The following RNF152 variants were observed in gnomAD, a reference collection of about 807,000 sequenced individuals.
RNF152 encodes the protein E3 ubiquitin-protein ligase RNF152.
In RNF152, 11 loss-of-function variants were observed where a neutral mutation model predicts 12.7. The observed-to-expected ratio is 0.86, with a 90% CI of 0.54 to 1.43. RNF152 has a LOEUF of 1.43. RNF152 is among the 40% of genes most tolerant of loss of function. RNF152 has a pLI of 0.00. For missense variants in RNF152, 255 were observed against 274.8 expected (o/e 0.93, Z 0.51); for synonymous variants, 113 against 120.3 (o/e 0.94, Z 0.40).
chr18:61,880,565 A>G (rs1032183245), intron 1 of RNF152, among the ~76,000 whole-genome samples: 2 of 152,204 alleles, frequency 1.3e-5, no homozygotes, highest in Non-Finnish European at 2.9e-5. Context: ...CAAGCGTCTA[A>G]TAAACACTAT....
intron 1 of RNF152, among the ~76,000 whole-genome samples, chr18:61,850,369 C>T (rs1267039061): frequency 2.0e-5 from 3 of 152,232 alleles, no homozygotes; most frequent in African/African-American, 7.2e-5. Flanking sequence ...ACAGTCCTCT[C>T]ATTTTTCATA....
At chr18:61,821,622 A>G (rs1053682811) in intron 1 of RNF152, among the ~76,000 whole-genome samples, 1 of 152,228 alleles carries the variant, frequency 6.6e-6, no homozygotes, top group Non-Finnish European at 1.5e-5. Context: ...CATATCAGTG[A>G]TTACTTTAGA....
chr18:61,883,714 T>C (rs1046363472), intron 1 of RNF152, among the ~76,000 whole-genome samples: 2 of 152,160 alleles, frequency 1.3e-5, no homozygotes, highest in Admixed American at 6.5e-5. Context: ...AGAAAGAGGA[T>C]GTCCTTCATT....
intron 1 of RNF152, among the ~76,000 whole-genome samples, chr18:61,856,239 A>G (rs1324300404): frequency 6.6e-6 from 1 of 152,224 alleles, no homozygotes; most frequent in Non-Finnish European, 1.5e-5. Context: ...AGCCAATGTC[A>G]AAGACTCTTG....
At chr18:61,837,645 TG>T (rs1303302152) in intron 1 of RNF152, among the ~76,000 whole-genome samples, 1 of 152,192 alleles carries the variant, frequency 6.6e-6, no homozygotes, top group Non-Finnish European at 1.5e-5. Context: ...CTTGCTCAGT[TG>T]TTCTTTTTAT....
intron 1 of RNF152, among the ~76,000 whole-genome samples, chr18:61,885,985 C>CTTTTT (rs558169838): frequency 7.2e-4 from 59 of 81,700 alleles, no homozygotes; most frequent in Admixed American, 9.4e-4. Context: ...CTTTTGCTTT[C>CTTTTT]TTTTTTTTTT....
intron 1 of RNF152, among the ~76,000 whole-genome samples, chr18:61,891,279 G>A (rs986535160): frequency 6.6e-5 from 10 of 152,086 alleles, no homozygotes; most frequent in African/African-American, 2.4e-4. Context: ...AGCATCAATG[G>A]ACACTTTATT....
At chr18:61,870,992 C>G (rs182808294) in intron 1 of RNF152, among the ~76,000 whole-genome samples, 216 of 152,284 alleles carry the variant, frequency 1.4e-3, no homozygotes, top group African/African-American at 5.1e-3. Flanking sequence ...GATAATGGCA[C>G]CCCAAGGCCC....
intron 1 of RNF152, among the ~76,000 whole-genome samples, chr18:61,859,710 C>T (rs1381078843): frequency 2.0e-5 from 3 of 152,128 alleles, no homozygotes; most frequent in African/African-American, 4.8e-5. Flanking sequence ...GAAATCCCAT[C>T]TCTACTAAAA....
chr18:61,813,082 T>G lies in RNF152; in HGVS notation c.*2770A>C, dbSNP rs981826408. On this transcript the variant is annotated 3_prime_UTR_variant, in exon 2 of 2. Transcript: ENST00000312828. ...TCTTTCTGTGCTTTCCAGTTGTGAC[T>G]TTTCATTAATGTGCAAGTATGAATC... 1 of 152,204 alleles carries G rather than the reference T, an allele frequency of 6.6e-6. No individual in the cohort carries two copies. Among genetic ancestry groups the G allele is most frequent in the South Asian group, 2.1e-4 (1 of 4,826 alleles). The allele number at this position is 152,204 out of a possible 1,614,324, so 9.4% of individuals were successfully genotyped here.
At chr18:61,846,361 C>G (rs1910745077) in intron 1 of RNF152, among the ~76,000 whole-genome samples, 1 of 152,138 alleles carries the variant, frequency 6.6e-6, no homozygotes, top group African/African-American at 2.4e-5. Context: ...TAATAGGCCC[C>G]CTTCTCATCT....
At chr18:61,870,156 G>A (rs938028172) in intron 1 of RNF152, among the ~76,000 whole-genome samples, 5 of 152,092 alleles carry the variant, frequency 3.3e-5, no homozygotes, top group African/African-American at 9.7e-5. Flanking sequence ...CATTTATCAC[G>A]AATACCCTGC....
intron 1 of RNF152, among the ~76,000 whole-genome samples, chr18:61,821,407 C>G (rs1253780411): frequency 6.6e-6 from 1 of 151,902 alleles, no homozygotes; most frequent in Non-Finnish European, 1.5e-5. Context: ...TTTTCTGGAG[C>G]GTAATTAGTA....
chr18:61,823,707 G>A (rs942606018), intron 1 of RNF152, among the ~76,000 whole-genome samples: 10 of 152,254 alleles, frequency 6.6e-5, no homozygotes, highest in African/African-American at 2.4e-4. Flanking sequence ...GGATGGGACA[G>A]AGAGAATAAT....
At chr18:61,891,099 T>C (rs1291554823) in intron 1 of RNF152, among the ~76,000 whole-genome samples, 2 of 152,076 alleles carry the variant, frequency 1.3e-5, no homozygotes, top group African/African-American at 4.8e-5. Flanking sequence ...TATCACAGAG[T>C]CCATTATCTA....
At chr18:61,850,410 C>A (rs1199389115) in intron 1 of RNF152, among the ~76,000 whole-genome samples, 1 of 152,168 alleles carries the variant, frequency 6.6e-6, no homozygotes. Flanking sequence ...GGTGACAAAA[C>A]AAAATTTCTT....
chr18:61,860,401 C>A (rs1042223554), intron 1 of RNF152, among the ~76,000 whole-genome samples: 1 of 152,198 alleles, frequency 6.6e-6, no homozygotes. Flanking sequence ...AATAACAGAT[C>A]ACATAGAAGA....
intron 1 of RNF152, among the ~76,000 whole-genome samples, chr18:61,842,459 C>T (rs1910496000): frequency 6.6e-6 from 1 of 152,172 alleles, no homozygotes; most frequent in Non-Finnish European, 1.5e-5. Flanking sequence ...CACACCCAAG[C>T]GAGTTGTCAC....
At position 61,830,115 on chromosome 18, in the gene RNF152, G is replaced by A. The variant is rs532248104; in HGVS notation, c.-135-13517C>T. On this transcript the variant is annotated intron_variant, in intron 1 of 1. Coordinates refer to ENST00000312828, the MANE Select transcript of RNF152 (RefSeq NM_173557.3). Reference sequence around the variant, plus strand: ...TGGCTCACTGCAACCTTCACTTCACGGGTTCCAGGGATTCTCCTGCCTCAG... The same window carrying A: ...TGGCTCACTGCAACCTTCACTTCACAGGTTCCAGGGATTCTCCTGCCTCAG... 3.2e-4 allele frequency among the ~76,000 whole-genome samples: 49 copies of A among 151,258 alleles called. 1 individual carries two copies. The highest frequency in any genetic ancestry group is 1.9e-3 in the South Asian group (9 of 4,758).
Sources: gnomAD v4.1 joint callset for allele counts (sites outside exome capture counted in the v4.1 genomes callset) on GRCh38, gnomAD v4.1.1 for gene constraint, MANE v1.5 for transcripts, NCBI Gene and HGNC (gene_info 2026-07-23, HGNC 2026-07-21) for gene names.